The following PTGIS variants were observed in gnomAD, a reference collection of about 807,000 sequenced individuals.
PTGIS encodes the protein prostaglandin I2 synthase, also known as prostacyclin synthase.
Under a neutral mutation model 50.3 loss-of-function variants are expected in PTGIS, and 45 were observed. The observed-to-expected ratio is 0.90, with a 90% CI of 0.70 to 1.15. The LOEUF (loss-of-function observed/expected upper bound fraction) is 1.15. Among genes scored for constraint, PTGIS ranks in the 50% most tolerant of loss-of-function variants. The pLI is 0.00. For synonymous variants in PTGIS, 260 were observed against 267.7 expected (o/e 0.97, Z 0.28); for missense variants, 668 against 661.3 (o/e 1.01, Z -0.11).
intron 6 of PTGIS, among the ~76,000 whole-genome samples, chr20:49,522,441 C>A (rs1283642056): frequency 6.6e-6 from 1 of 151,878 alleles, no homozygotes; most frequent in Non-Finnish European, 1.5e-5. Context: ...TCCTCCTGAC[C>A]CCCCAAATGG....
At chr20:49,546,386 C>T (rs1347408910) in intron 3 of PTGIS, among the ~76,000 whole-genome samples, 1 of 152,220 alleles carries the variant, frequency 6.6e-6, no homozygotes, top group Non-Finnish European at 1.5e-5. Context: ...CAGCTGCCCC[C>T]AGGCCAAGGT....
At chr20:49,546,326 C>T (rs1036142786) in intron 3 of PTGIS, among the ~76,000 whole-genome samples, 1 of 152,162 alleles carries the variant, frequency 6.6e-6, no homozygotes, top group African/African-American at 2.4e-5. Context: ...GCTAATGGGA[C>T]CCCCAGGGTC....
rs1982194329 is a variant in PTGIS at position 49,540,410 on chromosome 20, A to G, written c.522-689T>C. Among the ~76,000 whole-genome samples the G allele has an allele frequency of 6.6e-6, 1 of 151,998 alleles. No individual in the cohort carries two copies. Among genetic ancestry groups the G allele is most frequent in the African/African-American group, 2.4e-5 (1 of 41,404 alleles). On this transcript the variant is annotated intron_variant, in intron 4 of 9. Transcript: ENST00000244043. This position sits in a 1 kb window ranked among gnomAD's most constrained non-coding sequence, Gnocchi z 4.8. ...GCAAAGGCCCAGAGCTGAGAGTGCA[A>G]CCGTGCCTGGTGGGAGAGGTGCCAG...
intron 6 of PTGIS, among the ~76,000 whole-genome samples, chr20:49,521,570 C>T (rs923094559): frequency 2.0e-5 from 3 of 152,148 alleles, no homozygotes; most frequent in Non-Finnish European, 4.4e-5. Context: ...CACTTTGGAG[C>T]TCCAAGTCAT....
intron 5 of PTGIS, among the ~76,000 whole-genome samples, chr20:49,525,630 T>A (rs1056172519): frequency 2.0e-5 from 3 of 152,024 alleles, no homozygotes; most frequent in African/African-American, 7.2e-5. Context: ...TGAGCCTTAA[T>A]ATACATTGTT....
intron 5 of PTGIS, among the ~76,000 whole-genome samples, chr20:49,534,738 T>C (rs1982027041): frequency 6.6e-6 from 1 of 152,204 alleles, no homozygotes; most frequent in Admixed American, 6.5e-5. Context: ...CCTTCCAGCA[T>C]GGATGGCAAG....
At position 49,513,125 on chromosome 20, in the gene PTGIS, G is replaced by A. The variant is rs1447522513; in HGVS notation, c.1161C>T (p.Pro387=). 1.2e-5 allele frequency: 20 copies of A among 1,614,166 alleles called. No individual in the cohort carries two copies. The highest frequency in any genetic ancestry group is 1.6e-5 in the Non-Finnish European group (19 of 1,180,010). Residue 387 remains proline (P), a synonymous_variant, in exon 8 of 10, where the codon CCC becomes CCT. Transcript: ENST00000244043. ...LRRGDRLLLF[P]FLSPQRDPEI... ...CTGGGTCTCTCTGGGGGCTCAGGAA[G>A]GGGAAGAGGAGGAGGCGGTCACCAC... is the stretch of plus-strand genomic sequence containing the variant.
chr20:49,510,307 CACTT>C (rs756622524), intron 9 of PTGIS, among the ~76,000 whole-genome samples: 25 of 152,288 alleles, frequency 1.6e-4, no homozygotes, highest in African/African-American at 2.9e-4. Context: ...CGTGCCCACT[CACTT>C]AGCACAATGC....
chr20:49,566,177 C>T (rs1363779507), intron 1 of PTGIS, among the ~76,000 whole-genome samples: 1 of 152,038 alleles, frequency 6.6e-6, no homozygotes, highest in South Asian at 2.1e-4. Flanking sequence ...TTGCGGTGAG[C>T]CGAGATCGTG....
intron 1 of PTGIS, among the ~76,000 whole-genome samples, chr20:49,554,730 G>T (rs575166991): frequency 1.3e-5 from 2 of 152,124 alleles, no homozygotes; most frequent in African/African-American, 4.8e-5. Flanking sequence ...AACATCAAAG[G>T]CACACTGATG....
At chr20:49,533,733 G>T (rs907661008) in intron 5 of PTGIS, among the ~76,000 whole-genome samples, 1 of 152,112 alleles carries the variant, frequency 6.6e-6, no homozygotes, top group Non-Finnish European at 1.5e-5. Flanking sequence ...GAAGCAGGCA[G>T]ATCACTTGAG....
rs267605987 is a variant in PTGIS, at chr20:49,524,232, C to T, written c.681G>A (p.Lys227=). The T allele has an allele frequency of 6.2e-7, 1 of 1,614,134 alleles. No individual in the cohort carries two copies. The highest frequency in any genetic ancestry group is 8.5e-7 in the Non-Finnish European group (1 of 1,180,018). ...LARGSLSVGD[K]DHMCSVKSRL... ...GACTTTTGACACTGCACATGTGGTC[C>T]TTGTCCCCTGCAGGGACAGAGCACA... The change falls in exon 6 of 10, where the codon AAG becomes AAA. Residue 227 remains lysine (K), a synonymous_variant. Transcript: ENST00000244043.
intron 1 of PTGIS, among the ~76,000 whole-genome samples, chr20:49,555,660 AC>A (rs1277338406): frequency 1.3e-5 from 2 of 152,244 alleles, no homozygotes; most frequent in African/African-American, 4.8e-5. Flanking sequence ...GACTTAGTAT[AC>A]ATCATCAGTA....
intron 1 of PTGIS, among the ~76,000 whole-genome samples, chr20:49,551,029 C>T (rs370171535): frequency 2.6e-5 from 4 of 152,062 alleles, no homozygotes; most frequent in African/African-American, 4.8e-5. Context: ...CATGATGAAA[C>T]GTCATCTCTA....
At chr20:49,546,670 T>C (rs959865180) in intron 3 of PTGIS, among the ~76,000 whole-genome samples, 10 of 152,192 alleles carry the variant, frequency 6.6e-5, no homozygotes, top group Non-Finnish European at 1.2e-4. Context: ...TTACTAGCAG[T>C]AGACTTTGAG....
intron 1 of PTGIS, 150 bp downstream of exon 1, chr20:49,567,893 G>T: frequency 1.5e-6 from 1 of 667,382 alleles, no homozygotes; most frequent in Non-Finnish European, 2.2e-6. Flanking sequence ...GCGGGGCCCC[G>T]GGACTCCCAC....
At chr20:49,538,837 A>G (rs1568679064) in intron 5 of PTGIS, among the ~76,000 whole-genome samples, 1 of 152,024 alleles carries the variant, frequency 6.6e-6, no homozygotes, top group Admixed American at 6.6e-5. Flanking sequence ...ACCCGCCACC[A>G]TGCCTGGCTA....
At chr20:49,563,776 C>T (rs548239077) in intron 1 of PTGIS, among the ~76,000 whole-genome samples, 1 of 152,350 alleles carries the variant, frequency 6.6e-6, no homozygotes, top group African/African-American at 2.4e-5. Context: ...GGGCCCAGAC[C>T]AGCCACTGGG....
At chr20:49,556,925 T>C (rs997805804) in intron 1 of PTGIS, among the ~76,000 whole-genome samples, 4 of 152,192 alleles carry the variant, frequency 2.6e-5, no homozygotes, top group Admixed American at 6.5e-5. Flanking sequence ...AGTTAAGCTG[T>C]GCTTTTCTTA....
Sources: gnomAD v4.1 joint callset for allele counts (sites outside exome capture counted in the v4.1 genomes callset) on GRCh38, gnomAD v4.1.1 for gene constraint, Gnocchi (gnomAD v3.1) non-coding constraint, MANE v1.5 for transcripts, NCBI Gene and HGNC (gene_info 2026-07-23, HGNC 2026-07-21) for gene names.